NPM2: variants seen among roughly 807,000 people sequenced by gnomAD.
The protein encoded by NPM2 is nucleoplasmin-2.
In NPM2, 25 loss-of-function variants were observed where a neutral mutation model predicts 32.0. That is an observed-to-expected ratio of 0.78 (90% CI 0.57 to 1.09). NPM2 has a LOEUF of 1.09. Among genes scored for constraint, NPM2 ranks in the 50% least tolerant of loss-of-function variants. The probability of loss-of-function intolerance (pLI) is 0.00; values close to 1 mark genes in which losing one functional copy is unlikely to be tolerated. For missense variants in NPM2, 282 were observed against 259.9 expected, an observed-to-expected ratio of 1.08 and a Z score of -0.58; for synonymous variants, 111 against 94.2, an observed-to-expected ratio of 1.18 and a Z score of -1.04.
rs1800178348 is a variant in NPM2, at chr8:22,024,840, T to C, written c.-34+10T>C. On this transcript the variant is annotated intron_variant, in intron 2 of 9. Coordinates refer to ENST00000518119, the MANE Select transcript of NPM2 (RefSeq NM_001286680.2). ...GCGCGGAGCAGCGACAGTAAGGCTG[T>C]GTGGGGGGAGCTGGGACCTAAGCCG... The C allele has an allele frequency of 5.4e-6, 1 of 183,596 alleles. No individual in the cohort carries two copies. 11.4% of individuals were successfully genotyped at this position (183,596 alleles called of 1,614,324 possible).
Position 22,033,174 on chromosome 8 carries a change from G to C in NPM2, c.315G>C (p.Gln105His), listed in dbSNP as rs777308517. 20 of 1,614,086 alleles carry C rather than the reference G, an allele frequency of 1.2e-5. 1 individual carries two copies. In the Admixed American group the frequency reaches 3.2e-4, roughly 26 times the overall value. The stretch of plus-strand genomic sequence containing the variant: ...AGCTTTCTCCCCCAGTTACTTTCCA[G>C]CTCCGGGCTGGCTCAGGACCCGTGT... ...GVQLSPPVTF[Q>H]LRAGSGPVFL... The change falls in exon 6 of 10, where the codon CAG (glutamine) becomes CAC (histidine). Residue 105 changes from glutamine (Q) to histidine (H), a missense_variant. By Grantham distance (24) the Gln-to-His change is conservative. Transcript: ENST00000518119.
intron 5 of NPM2, among the ~76,000 whole-genome samples, chr8:22,027,380 C>G (rs1415577046): frequency 2.0e-5 from 3 of 152,186 alleles, no homozygotes; most frequent in Non-Finnish European, 4.4e-5. Flanking sequence ...TCAAGACCAT[C>G]TAAACAAATG....
At position 22,025,448 on chromosome 8, in the gene NPM2, G is replaced by A. The variant is rs7815455; in HGVS notation, c.71G>A (p.Ser24Asn). Residue 24 changes from serine (S) to asparagine (N), a missense_variant, in exon 4 of 10, where the codon AGT becomes AAT. Transcript: ENST00000518119. Reference sequence around the variant, plus strand: ...TTCTCCTCCGCAGGCTGCGAGCTCAGTCAGGAGAGGCGGACTTGGACCTTC... The same window carrying A: ...TTCTCCTCCGCAGGCTGCGAGCTCAATCAGGAGAGGCGGACTTGGACCTTC... ...VTTVLWGCEL[S>N]QERRTWTFRP... 4,236 of 1,614,098 alleles carry A rather than the reference G, an allele frequency of 2.6e-3. 81 individuals are homozygous for A. The African/African-American group carries it at 0.048, about 18-fold the overall frequency.
chr8:22,029,522 T>C (rs901221030), intron 5 of NPM2, among the ~76,000 whole-genome samples: 1 of 152,238 alleles, frequency 6.6e-6, no homozygotes, highest in African/African-American at 2.4e-5. Context: ...CACTACTCAT[T>C]ACTAGTACTA....
intron 6 of NPM2, among the ~76,000 whole-genome samples, chr8:22,033,500 G>A (rs1800511164): frequency 6.6e-6 from 1 of 152,176 alleles, no homozygotes; most frequent in African/African-American, 2.4e-5. Flanking sequence ...AGCACTCAGC[G>A]TAATACCCAG....
chr8:22,029,809 G>C (rs1347519166), intron 5 of NPM2, among the ~76,000 whole-genome samples: 2 of 152,156 alleles, frequency 1.3e-5, no homozygotes, highest in African/African-American at 2.4e-5. Context: ...TCCCAATGTT[G>C]CTGTTGAAGT....
chr8:22,035,090 G>A (rs1180714165), intron 8 of NPM2, among the ~76,000 whole-genome samples: 1 of 152,162 alleles, frequency 6.6e-6, no homozygotes, highest in Non-Finnish European at 1.5e-5. Context: ...ATGACAGAGC[G>A]AGACTCAGTC....
intron 1 of NPM2, 27 bp from the exon 2 acceptor site, chr8:22,024,697 T>C (rs1284441008): frequency 5.2e-5 from 8 of 152,448 alleles, no homozygotes; most frequent in African/African-American, 1.2e-4. Flanking sequence ...TTGCGACTAA[T>C]TGGACACCTG....
At chr8:22,025,942 C>G (rs540605815) in intron 5 of NPM2, among the ~76,000 whole-genome samples, 170 bp downstream of exon 5, 3 of 152,136 alleles carry the variant, frequency 2.0e-5, no homozygotes, top group Admixed American at 6.5e-5. Context: ...CTTCCTAGAG[C>G]TGTGTGACCT....
At chr8:22,034,415 C>T in intron 7 of NPM2, 95 bp from the exon 8 acceptor site, 3 of 1,391,122 alleles carry the variant, frequency 2.2e-6, no homozygotes, top group Non-Finnish European at 3.0e-6. Flanking sequence ...CTAGTTCTGG[C>T]CAGGAGCTCA....
In NPM2 at chr8:22,034,183, G is replaced by A; in HGVS notation, c.439G>A (p.Glu147Lys). 1 of 1,612,994 alleles carries A rather than the reference G, an allele frequency of 6.2e-7. No individual in the cohort carries two copies. ...GGAGGAAGAGGAAGAGGAAGATGATGAGGATGAGGATGCAGATATATCTCT... is the reference window on the plus strand; with the variant it reads ...GGAGGAAGAGGAAGAGGAAGATGATAAGGATGAGGATGCAGATATATCTCT... ...EEEEEEEEDDEDEDADISLEE... is the reference protein window; with the variant it reads ...EEEEEEEEDDKDEDADISLEE... The change falls in exon 7 of 10, where the codon GAG (glutamate) becomes AAG (lysine). Residue 147 changes from glutamate (E) to lysine (K), a missense_variant. Transcript: ENST00000518119.
At chr8:22,031,673 T>C (rs1800446388) in intron 5 of NPM2, among the ~76,000 whole-genome samples, 1 of 152,210 alleles carries the variant, frequency 6.6e-6, no homozygotes, top group East Asian at 1.9e-4. Context: ...CTCAAACTCC[T>C]GACCTCAAGT....
chr8:22,024,912 T>C (rs930630138), intron 2 of NPM2, 82 bp downstream of exon 2: 9 of 336,200 alleles, frequency 2.7e-5, no homozygotes, highest in Non-Finnish European at 4.3e-5. Flanking sequence ...ACAGAGGCTT[T>C]TGAGTCAGGC....
intron 5 of NPM2, 54 bp from the exon 6 acceptor site, chr8:22,033,076 C>A: frequency 7.4e-7 from 1 of 1,354,898 alleles, no homozygotes; most frequent in Non-Finnish European, 1.1e-6. Flanking sequence ...AGGCTAGTCC[C>A]CGAGAGGTGC....
intron 5 of NPM2, among the ~76,000 whole-genome samples, chr8:22,026,222 G>A (rs890587565): frequency 2.6e-5 from 4 of 152,028 alleles, no homozygotes; most frequent in African/African-American, 7.2e-5. Flanking sequence ...CTGAGGTGGA[G>A]CAGTTTCATC....
chr8:22,024,428 C>T lies in NPM2; in HGVS notation c.-336C>T, dbSNP rs2117440477. The T allele has an allele frequency of 6.6e-6, 1 of 152,630 alleles. No individual in the cohort carries two copies. The highest frequency in any genetic ancestry group is 2.1e-4 in the South Asian group (1 of 4,832). 9.5% of individuals were successfully genotyped at this position (152,630 alleles called of 1,614,324 possible). On this transcript the variant is annotated 5_prime_UTR_variant, in exon 1 of 10. Transcript: ENST00000518119. Reference sequence around the variant, plus strand: ...TGAGCTGAGGCTTCCTCTCCATGGGCTGGGGAGGGGGCGCCAGGAGGCCTC... The same window carrying T: ...TGAGCTGAGGCTTCCTCTCCATGGGTTGGGGAGGGGGCGCCAGGAGGCCTC...
rs1800545300 is a variant in NPM2 at position 22,034,282 on chromosome 8, G to A, written c.531+7G>A. 6.3e-7 allele frequency: 1 copy of A among 1,578,250 alleles called. No individual in the cohort carries two copies. Among genetic ancestry groups the A allele is most frequent in the Non-Finnish European group, 8.6e-7 (1 of 1,162,574 alleles). On this transcript the variant is annotated splice_region_variant and intron_variant, in intron 7 of 9. Transcript: ENST00000518119. ...GCAGGCGAGCGTGGCTAAGGTGGGG[G>A]AAGGAGCGTGGCTGTTTGGAAGGAA...
At chr8:22,034,618 G>C in intron 8 of NPM2, 74 bp downstream of exon 8, 1 of 1,265,574 alleles carries the variant, frequency 7.9e-7, no homozygotes, top group Non-Finnish European at 1.1e-6. Context: ...ATACTGTGCT[G>C]TTGGGATGTA....
chr8:22,025,830 G>A lies in NPM2; in HGVS notation c.270+58G>A, dbSNP rs527386447. The A allele has an allele frequency of 2.2e-5, 35 of 1,609,968 alleles. 1 individual carries two copies. In the African/African-American group the frequency reaches 2.5e-4, roughly 12 times the overall value. ...GTCAGCCTCACCCTCACCCTTGGGT[G>A]GGGATGGACACACACGAGGGTGCAT... is the stretch of plus-strand genomic sequence containing the variant. On this transcript the variant is annotated intron_variant, in intron 5 of 9. Coordinates refer to ENST00000518119, the MANE Select transcript of NPM2 (RefSeq NM_001286680.2).
Sources: gnomAD v4.1 joint callset for allele counts (sites outside exome capture counted in the v4.1 genomes callset) on GRCh38, gnomAD v4.1.1 for gene constraint, MANE v1.5 for transcripts, NCBI Gene and HGNC (gene_info 2026-07-23, HGNC 2026-07-21) for gene names.